The following OTUD7A variants were observed in gnomAD, a reference collection of about 807,000 sequenced individuals.
OTUD7A encodes OTU deubiquitinase 7A, also known as OTU domain-containing protein 7A.
OTUD7A carries 12 observed loss-of-function variants against 65.7 expected under a neutral mutation model. The observed-to-expected ratio is 0.18, with a 90% CI of 0.12 to 0.30. The LOEUF (loss-of-function observed/expected upper bound fraction) is 0.30, where lower values mean the gene tolerates loss of function less well. Ranked by LOEUF, OTUD7A falls within the 10% of genes least tolerant of loss-of-function variation. The pLI is 1.00. For synonymous variants in OTUD7A, 641 were observed against 586.3 expected (o/e 1.09, Z -1.35); for missense variants, 1,148 against 1,304.8 (o/e 0.88, Z 1.85).
chr15:31,590,763 C>T (rs376899736), intron 3 of OTUD7A, among the ~76,000 whole-genome samples: 12 of 152,056 alleles, frequency 7.9e-5, no homozygotes, highest in African/African-American at 2.9e-4. Context: ...ATGGTAAAAG[C>T]GTTTTCATGG....
chr15:31,504,690 C>CTGAGGGAGTCTG (rs533327270), intron 8 of OTUD7A, among the ~76,000 whole-genome samples: 1 of 28,500 alleles, frequency 3.5e-5, no homozygotes, highest in Non-Finnish European at 6.0e-5. Context: ...TCAGAATTAG[C>CTGAGGGAGTCTG]TGACGGCAGC....
chr15:31,846,628 A>G (rs1421550620), intron 1 of OTUD7A, among the ~76,000 whole-genome samples: 2 of 152,138 alleles, frequency 1.3e-5, no homozygotes, highest in Non-Finnish European at 2.9e-5. Context: ...GCCCCCGGTG[A>G]GCCCCCATCA....
chr15:31,647,077 G>A (rs1176931696), intron 3 of OTUD7A, among the ~76,000 whole-genome samples: 1 of 152,154 alleles, frequency 6.6e-6, no homozygotes, highest in South Asian at 2.1e-4. Flanking sequence ...AATACGTCTG[G>A]TCTAACGGCA....
chr15:31,841,564 G>A (rs912673716), intron 1 of OTUD7A, among the ~76,000 whole-genome samples: 1 of 152,056 alleles, frequency 6.6e-6, no homozygotes, highest in African/African-American at 2.4e-5. Context: ...GACACTGGCT[G>A]AGCATAGCAA....
intron 5 of OTUD7A, chr15:31,558,638 A>G (rs16956871): frequency 0.036 from 12,704 of 350,754 alleles, 656 homozygotes; most frequent in African/African-American, 0.15. Flanking sequence ...CCTATCTTTC[A>G]TTCAACACCC....
At chr15:31,547,247 T>C (rs1195078948) in intron 5 of OTUD7A, among the ~76,000 whole-genome samples, 3 of 152,260 alleles carry the variant, frequency 2.0e-5, no homozygotes, top group Non-Finnish European at 4.4e-5. Flanking sequence ...CAAAAGAGTA[T>C]GTCTGAAATA....
intron 3 of OTUD7A, among the ~76,000 whole-genome samples, chr15:31,637,030 C>T (rs1297363823): frequency 2.6e-5 from 4 of 152,194 alleles, no homozygotes; most frequent in Non-Finnish European, 5.9e-5. Flanking sequence ...GGAGAAGCTG[C>T]AGCAAGATCT....
intron 3 of OTUD7A, among the ~76,000 whole-genome samples, chr15:31,608,927 C>A (rs570870320): frequency 1.4e-4 from 22 of 152,332 alleles, no homozygotes; most frequent in African/African-American, 5.3e-4. Context: ...AGTGCCCAAA[C>A]TGCAGAAGCA....
intron 1 of OTUD7A, among the ~76,000 whole-genome samples, chr15:31,817,417 T>A (rs1249104032): frequency 6.6e-6 from 1 of 152,002 alleles, no homozygotes; most frequent in African/African-American, 2.4e-5. Context: ...CACCAGGAGA[T>A]TAGGTGCCTT....
At chr15:31,679,204 G>A (rs975740844) in intron 1 of OTUD7A, among the ~76,000 whole-genome samples, 119 of 152,298 alleles carry the variant, frequency 7.8e-4, no homozygotes, top group African/African-American at 2.8e-3. Context: ...ATTGTATCTA[G>A]GAAGTAACTA....
chr15:31,509,256 T>A (rs1011997835), intron 8 of OTUD7A, among the ~76,000 whole-genome samples: 2 of 152,104 alleles, frequency 1.3e-5, no homozygotes, highest in African/African-American at 4.8e-5. Flanking sequence ...GAATTTTCTT[T>A]ATAATTAATA....
At chr15:31,549,963 G>C (rs931443696) in intron 5 of OTUD7A, among the ~76,000 whole-genome samples, 1 of 152,028 alleles carries the variant, frequency 6.6e-6, no homozygotes, top group Non-Finnish European at 1.5e-5. Context: ...AGCTGGGTTT[G>C]GTGGTGGGCA....
chr15:31,752,239 A>C (rs1894656782), intron 1 of OTUD7A, among the ~76,000 whole-genome samples: 1 of 152,236 alleles, frequency 6.6e-6, no homozygotes, highest in South Asian at 2.1e-4. Context: ...GCAATGCTAA[A>C]GTATGATGTG....
At chr15:31,505,193 G>A (rs2041540778) in intron 8 of OTUD7A, among the ~76,000 whole-genome samples, 2 of 152,138 alleles carry the variant, frequency 1.3e-5, no homozygotes, top group Admixed American at 1.3e-4. Flanking sequence ...TTTACATTTT[G>A]TATTTGTTTT....
At chr15:31,837,052 G>A (rs929606349) in intron 1 of OTUD7A, among the ~76,000 whole-genome samples, 16 of 152,094 alleles carry the variant, frequency 1.1e-4, no homozygotes, top group African/African-American at 2.9e-4. Context: ...TAAAGCTATC[G>A]CTATTTACAG....
intron 1 of OTUD7A, among the ~76,000 whole-genome samples, chr15:31,790,694 A>G (rs1895790397): frequency 1.3e-5 from 2 of 152,136 alleles, no homozygotes; most frequent in South Asian, 4.1e-4. Context: ...AATATCATGG[A>G]AACAACTCAG....
intron 3 of OTUD7A, among the ~76,000 whole-genome samples, chr15:31,593,651 C>T (rs946992342): frequency 2.6e-5 from 4 of 152,028 alleles, no homozygotes; most frequent in South Asian, 4.2e-4. Context: ...AGGAGGTCAG[C>T]GGGGCTGGGC....
chr15:31,753,365 TTAG>T (rs1223880200), intron 1 of OTUD7A, among the ~76,000 whole-genome samples: 1 of 152,070 alleles, frequency 6.6e-6, no homozygotes, highest in African/African-American at 2.4e-5. Context: ...AGTAAGTTCC[TTAG>T]TGGTGACGTG....
chr15:31,644,418 T>C (rs1353615263), intron 3 of OTUD7A, among the ~76,000 whole-genome samples: 2 of 152,026 alleles, frequency 1.3e-5, no homozygotes, highest in East Asian at 1.9e-4. Flanking sequence ...CATTTCACTG[T>C]GATCCTTGTG....
Sources: allele counts gnomAD v4.1 joint callset (sites outside exome capture counted in the v4.1 genomes callset), GRCh38; gene constraint gnomAD v4.1.1; transcripts MANE v1.5; gene names NCBI Gene and HGNC (gene_info 2026-07-23, HGNC 2026-07-21).